Variants in ATXN2 observed in about 807,000 individuals in gnomAD.
ATXN2 encodes ataxin 2.
Under a neutral mutation model 138.6 loss-of-function variants are expected in ATXN2, and 37 were observed. The ratio of observed to expected loss-of-function variants is 0.27; its 90% confidence interval spans 0.21 to 0.35. ATXN2 has a LOEUF of 0.35. Among genes scored for constraint, ATXN2 ranks in the 10% least tolerant of loss-of-function variants. The probability of loss-of-function intolerance (pLI) is 1.00; values close to 1 mark genes in which losing one functional copy is unlikely to be tolerated. For missense variants in ATXN2, 1,216 were observed against 1,480.3 expected, an observed-to-expected ratio of 0.82 and a Z score of 2.93; for synonymous variants, 549 against 543.7, an observed-to-expected ratio of 1.01 and a Z score of -0.13.
intron 5 of ATXN2, among the ~76,000 whole-genome samples, chr12:111,525,753 C>T (rs1282295143): frequency 6.6e-5 from 10 of 150,448 alleles, no homozygotes; most frequent in South Asian, 2.1e-4. Context: ...GGCGTGATCT[C>T]GGCTCACTGC....
chr12:111,472,743 A>T (rs983482685), intron 18 of ATXN2, among the ~76,000 whole-genome samples: 5 of 151,928 alleles, frequency 3.3e-5, no homozygotes, highest in Admixed American at 2.0e-4. Context: ...TACTTTTTTT[A>T]AAATATTTTT....
At chr12:111,507,072 T>C (rs1879178257) in intron 14 of ATXN2, among the ~76,000 whole-genome samples, 1 of 152,148 alleles carries the variant, frequency 6.6e-6, no homozygotes, top group African/African-American at 2.4e-5. Flanking sequence ...TTGCAGCCTC[T>C]GCCCGGCCGC....
intron 1 of ATXN2, among the ~76,000 whole-genome samples, chr12:111,590,887 T>C (rs1884623836): frequency 6.6e-6 from 1 of 151,616 alleles, no homozygotes; most frequent in Non-Finnish European, 1.5e-5. Context: ...TGATCTGAGG[T>C]GGAACAATTT....
chr12:111,510,601 GTATT>G lies in ATXN2; in HGVS notation c.1559-23_1559-20del. 1 of 1,577,194 alleles carries G rather than the reference GTATT, an allele frequency of 6.3e-7. No individual in the cohort carries two copies. Among genetic ancestry groups the G allele is most frequent in the Non-Finnish European group, 8.7e-7 (1 of 1,153,642 alleles). ...CTTGGAACTAGAAGAAAGGGAAAAT[GTATT>G]TATTACATTCTCAGTTCAAATGTTA... On this transcript the variant is annotated intron_variant, in intron 11 of 24. Coordinates refer to ENST00000673436, the MANE Select transcript of ATXN2 (RefSeq NM_001372574.1).
intron 21 of ATXN2, among the ~76,000 whole-genome samples, chr12:111,462,756 G>C (rs939431279): frequency 6.6e-6 from 1 of 152,156 alleles, no homozygotes; most frequent in African/African-American, 2.4e-5. Flanking sequence ...TACTAACAGA[G>C]ACAGTAAGAT....
At chr12:111,526,401 CTCTT>C (rs1376178514) in intron 5 of ATXN2, among the ~76,000 whole-genome samples, 26 of 135,170 alleles carry the variant, frequency 1.9e-4, no homozygotes, top group African/African-American at 8.7e-4. Context: ...TCAAAAATAT[CTCTT>C]TTTTTTTTTT....
intron 10 of ATXN2, among the ~76,000 whole-genome samples, chr12:111,515,097 T>G (rs1003812435): frequency 6.6e-6 from 1 of 152,208 alleles, no homozygotes; most frequent in South Asian, 2.1e-4. Flanking sequence ...AGAAGTCACC[T>G]TGAAAATCAG....
chr12:111,499,437 C>A (rs890878063), intron 14 of ATXN2, among the ~76,000 whole-genome samples: 1 of 152,208 alleles, frequency 6.6e-6, no homozygotes, highest in South Asian at 2.1e-4. Context: ...GGCGCAGCAG[C>A]TCACGCCTGT....
chr12:111,500,120 CAGAA>C (rs933752815), intron 14 of ATXN2, among the ~76,000 whole-genome samples: 6 of 152,150 alleles, frequency 3.9e-5, no homozygotes, highest in Non-Finnish European at 7.3e-5. Flanking sequence ...GGTATATACT[CAGAA>C]AGGAAATCAG....
At chr12:111,519,209 G>A (rs913830981) in intron 8 of ATXN2, among the ~76,000 whole-genome samples, 2 of 152,048 alleles carry the variant, frequency 1.3e-5, no homozygotes, top group African/African-American at 4.8e-5. Context: ...AGTCCTCAAT[G>A]CCCCAGGGTT....
intron 21 of ATXN2, among the ~76,000 whole-genome samples, chr12:111,464,335 T>TTGTGTGTGTGTGTGTG (rs375641693): frequency 2.8e-5 from 3 of 105,838 alleles, no homozygotes; most frequent in Admixed American, 2.7e-4. Flanking sequence ...GTGTGTGTGT[T>TTGTGTGTGTGTGTGTG]TGTGTGTGTG....
chr12:111,555,160 A>G (rs1361661995), intron 2 of ATXN2, among the ~76,000 whole-genome samples: 1 of 152,206 alleles, frequency 6.6e-6, no homozygotes. Context: ...AGCAGAAAAA[A>G]AGCACATTAA....
intron 14 of ATXN2, among the ~76,000 whole-genome samples, chr12:111,494,561 G>C (rs1008880382): frequency 6.6e-6 from 1 of 151,812 alleles, no homozygotes; most frequent in Admixed American, 6.6e-5. Context: ...GAGTATCTGA[G>C]ATTACAGGCA....
At chr12:111,582,447 A>C (rs965821948) in intron 1 of ATXN2, among the ~76,000 whole-genome samples, 2 of 151,942 alleles carry the variant, frequency 1.3e-5, no homozygotes, top group Non-Finnish European at 2.9e-5. Context: ...GTCTCAAAAA[A>C]AAAAAAAGAA....
Position 111,565,348 on chromosome 12 carries a change from C to T in ATXN2, c.252-9429G>A, listed in dbSNP as rs1040015441. On this transcript the variant is annotated intron_variant, in intron 1 of 24. Transcript: ENST00000673436. The stretch of plus-strand genomic sequence containing the variant: ...TCCAGTAACATGTGCTCTCTTTGCG[C>T]CTGTGTCACATTCTCATAAATCTCA... Among the ~76,000 whole-genome samples the T allele has an allele frequency of 2.6e-5, 4 of 152,120 alleles. No individual in the cohort carries two copies. The East Asian group carries it at 7.7e-4, about 29-fold the overall frequency.
chr12:111,581,573 C>T (rs1329085279), intron 1 of ATXN2: 2 of 870,536 alleles, frequency 2.3e-6, no homozygotes, highest in Admixed American at 1.7e-5. Context: ...GTTCAACACC[C>T]ACTTCATGAA....
intron 5 of ATXN2, among the ~76,000 whole-genome samples, chr12:111,542,342 T>G (rs1340770869): frequency 1.3e-5 from 2 of 152,056 alleles, no homozygotes; most frequent in Non-Finnish European, 2.9e-5. Flanking sequence ...GCGATTCTCC[T>G]GCCTCAGCCT....
chr12:111,596,776 T>C (rs1015014410), intron 1 of ATXN2, among the ~76,000 whole-genome samples: 3 of 152,212 alleles, frequency 2.0e-5, no homozygotes, highest in African/African-American at 7.2e-5. Context: ...CCTTAAATTG[T>C]TGTAAAGCCT....
intron 1 of ATXN2, among the ~76,000 whole-genome samples, chr12:111,583,761 C>T (rs113761435): frequency 0.042 from 3,532 of 83,586 alleles, 195 homozygotes; most frequent in African/African-American, 0.14. Flanking sequence ...AGCAAGACTC[C>T]GACTCAAAAA....
Sources: gnomAD v4.1 joint callset for allele counts (sites outside exome capture counted in the v4.1 genomes callset) on GRCh38, gnomAD v4.1.1 for gene constraint, MANE v1.5 for transcripts, NCBI Gene and HGNC (gene_info 2026-07-23, HGNC 2026-07-21) for gene names.